The following IL31RA variants were observed in gnomAD, a reference collection of about 807,000 sequenced individuals.
The protein encoded by IL31RA is interleukin 31 receptor A.
In IL31RA, 66 loss-of-function variants were observed where a neutral mutation model predicts 83.7. The ratio of observed to expected loss-of-function variants is 0.79; its 90% CI spans 0.65 to 0.97. IL31RA has a LOEUF of 0.97. IL31RA is among the 50% of genes least tolerant of loss of function. IL31RA has a pLI of 0.00. For missense variants in IL31RA, 798 were observed against 919.4 expected, an observed-to-expected ratio of 0.87 and a Z score of 1.71; for synonymous variants, 325 against 329.0, an observed-to-expected ratio of 0.99 and a Z score of 0.13.
In IL31RA at chr5:55,920,150, G is replaced by T. The variant is rs749936510; in HGVS notation, c.*3030G>T. ...AGCGGTGTGAAAACACCACGCAAGG[G>T]TCTGGAGGAGGCAGGAGATGGGGAG... On this transcript the variant is annotated 3_prime_UTR_variant, in exon 15 of 15. Coordinates refer to ENST00000652347, the MANE Select transcript of IL31RA (RefSeq NM_139017.7). Among the ~76,000 whole-genome samples the T allele has an allele frequency of 3.3e-5, 5 of 152,202 alleles. No homozygotes were observed. Among genetic ancestry groups the T allele is most frequent in the African/African-American group, 4.8e-5 (2 of 41,452 alleles).
At chr5:55,897,635 T>G (rs1748493975) in intron 7 of IL31RA, among the ~76,000 whole-genome samples, 2 of 148,982 alleles carry the variant, frequency 1.3e-5, no homozygotes, top group African/African-American at 2.5e-5. Flanking sequence ...GGCCTGGGAG[T>G]GAGGAACAGG....
At chr5:55,876,086 G>A (rs1227581174) in intron 4 of IL31RA, among the ~76,000 whole-genome samples, 1 of 152,132 alleles carries the variant, frequency 6.6e-6, no homozygotes, top group Non-Finnish European at 1.5e-5. Context: ...CAAGTGGATA[G>A]AACTATGACA....
In IL31RA at chr5:55,922,310, C is replaced by A; in HGVS notation, c.*5190C>A. On this transcript the variant is annotated 3_prime_UTR_variant, in exon 15 of 15. Coordinates refer to ENST00000652347, the MANE Select transcript of IL31RA (RefSeq NM_139017.7). Reference sequence around the variant, plus strand: ...AAGGGGCAGGGGAGGGGCAGAACTCCACAAGAGGGCAAAACCTGCTGTCAG... The same window carrying A: ...AAGGGGCAGGGGAGGGGCAGAACTCAACAAGAGGGCAAAACCTGCTGTCAG... 1 of 1,202,980 alleles carries A rather than the reference C, an allele frequency of 8.3e-7. No individual in the cohort carries two copies. The highest frequency in any genetic ancestry group is 1.2e-6 in the Non-Finnish European group (1 of 829,608). 74.5% of individuals were successfully genotyped at this position (1,202,980 alleles called of 1,614,324 possible).
At chr5:55,866,177 A>G (rs944455762) in intron 2 of IL31RA, among the ~76,000 whole-genome samples, 4 of 152,130 alleles carry the variant, frequency 2.6e-5, no homozygotes, top group South Asian at 4.1e-4. Flanking sequence ...CCTGTGTGCT[A>G]CATTCACCTG....
At position 55,867,099 on chromosome 5, in the gene IL31RA, TTGTGTGTG is replaced by T. The variant is rs1235642887; in HGVS notation, c.155-1687_155-1680del. Among the ~76,000 whole-genome samples, 3 of 28,366 alleles carry T rather than the reference TTGTGTGTG, an allele frequency of 1.1e-4. 1 individual carries two copies. The highest frequency in any genetic ancestry group is 3.9e-4 in the Non-Finnish European group (3 of 7,634). The allele number at this position is 28,366 out of a possible 152,430, so 18.6% of individuals were successfully genotyped here. On this transcript the variant is annotated intron_variant, in intron 2 of 14. Transcript: ENST00000652347. The stretch of plus-strand genomic sequence containing the variant: ...TGCATGTGTGTTTGTGTGTGTGTGT[TTGTGTGTG>T]TGTGCATGTGTGTGTTTGTGTGTGT...
chr5:55,884,792 G>A (rs548741933), intron 5 of IL31RA, among the ~76,000 whole-genome samples: 2 of 152,256 alleles, frequency 1.3e-5, no homozygotes, highest in African/African-American at 4.8e-5. Flanking sequence ...AGACTTGCCA[G>A]TAAAACATAC....
chr5:55,914,034 A>G (rs1296786199), intron 13 of IL31RA, among the ~76,000 whole-genome samples: 2 of 152,170 alleles, frequency 1.3e-5, no homozygotes, highest in East Asian at 3.8e-4. Flanking sequence ...CTTGTGGTGC[A>G]GTGTTGAGGG....
chr5:55,886,268 C>CTTGCTT (rs1235138364), intron 5 of IL31RA, among the ~76,000 whole-genome samples: 1 of 71,502 alleles, frequency 1.4e-5, no homozygotes, highest in African/African-American at 7.3e-5. Context: ...TGCTTGCTTG[C>CTTGCTT]TTTTTTTTTT....
chr5:55,914,573 C>T (rs1749678107), intron 13 of IL31RA, among the ~76,000 whole-genome samples: 1 of 152,112 alleles, frequency 6.6e-6, no homozygotes, highest in African/African-American at 2.4e-5. Flanking sequence ...GCATTGGGAC[C>T]AGGTATGGAG....
At chr5:55,896,324 G>C (rs539578464) in intron 6 of IL31RA, 26 bp from the exon 7 acceptor site, 3 of 1,528,854 alleles carry the variant, frequency 2.0e-6, no homozygotes, top group Non-Finnish European at 2.7e-6. Flanking sequence ...TCTCTGGGTT[G>C]AGTACCTCAT....
intron 4 of IL31RA, among the ~76,000 whole-genome samples, chr5:55,881,438 C>A (rs1280715331): frequency 1.3e-5 from 2 of 152,166 alleles, no homozygotes; most frequent in Admixed American, 6.5e-5. Context: ...TGACCTTGGA[C>A]TTTTCTGCGC....
Position 55,917,369 on chromosome 5 carries a change from A to G in IL31RA, c.*249A>G. On this transcript the variant is annotated 3_prime_UTR_variant, in exon 15 of 15. Coordinates refer to ENST00000652347, the MANE Select transcript of IL31RA (RefSeq NM_139017.7). ...TCTCTTTTCGTTTGTTCAGATACCAAGCTCTCACCGAGGCCTCCTGACAGA... is the reference window on the plus strand; with the variant it reads ...TCTCTTTTCGTTTGTTCAGATACCAGGCTCTCACCGAGGCCTCCTGACAGA... 1 of 1,334,120 alleles carries G rather than the reference A, an allele frequency of 7.5e-7. No individual in the cohort carries two copies. The highest frequency in any genetic ancestry group is 9.7e-7 in the Non-Finnish European group (1 of 1,032,544). The allele number at this position is 1,334,120 out of a possible 1,614,324, so 82.6% of individuals were successfully genotyped here.
intron 4 of IL31RA, among the ~76,000 whole-genome samples, chr5:55,875,449 C>G (rs1030578499): frequency 1.3e-5 from 2 of 152,032 alleles, no homozygotes; most frequent in Non-Finnish European, 2.9e-5. Context: ...TATTTTTAAA[C>G]CTGTCAATAG....
At chr5:55,908,521 C>T (rs762296889) in intron 11 of IL31RA, 110 bp downstream of exon 11, 13 of 1,605,594 alleles carry the variant, frequency 8.1e-6, no homozygotes, top group Non-Finnish European at 6.0e-6. Context: ...TGCAACCTGG[C>T]ATGAATCACT....
Position 55,851,602 on chromosome 5 carries a change from C to A in IL31RA, c.32C>A (p.Thr11Lys). The change falls in exon 1 of 15, where the codon ACG becomes AAG. Residue 11 changes from threonine to lysine, a missense_variant. By Grantham distance (78) the Thr-to-Lys change is moderately conservative. Coordinates refer to ENST00000652347, the MANE Select transcript of IL31RA (RefSeq NM_139017.7). Reference sequence around the variant, plus strand: ...ATCAGGCAACTCAAGTTTTTCACCACGGCATGTGTCTGTGAATGTCCGCAA... The same window carrying A: ...ATCAGGCAACTCAAGTTTTTCACCAAGGCATGTGTCTGTGAATGTCCGCAA... The part of the protein sequence containing the change: MCIRQLKFFT[T>K]ACVCECPQNI... 1 of 1,613,926 alleles carries A rather than the reference C, an allele frequency of 6.2e-7. No homozygotes were observed. The highest frequency in any genetic ancestry group is 8.5e-7 in the Non-Finnish European group (1 of 1,179,878).
chr5:55,857,616 A>G (rs1745436934), intron 1 of IL31RA, among the ~76,000 whole-genome samples: 1 of 152,200 alleles, frequency 6.6e-6, no homozygotes, highest in African/African-American at 2.4e-5. Flanking sequence ...ATATGAGACT[A>G]CTATCCAGGC....
chr5:55,890,210 G>T, intron 6 of IL31RA, 75 bp downstream of exon 6: 1 of 1,434,380 alleles, frequency 7.0e-7, no homozygotes. Flanking sequence ...GGTGGGGTTT[G>T]TCACCACCTG....
rs142089239 is a variant in IL31RA, at chr5:55,851,632, T to C, written c.62T>C (p.Ile21Thr). The C allele has an allele frequency of 3.2e-4, 514 of 1,613,790 alleles. No individual in the cohort carries two copies. In the African/African-American group the frequency reaches 4.5e-3, roughly 14 times the overall value. Residue 21 changes from isoleucine (I) to threonine (T), a missense_variant and splice_region_variant, in exon 1 of 15, where the codon ATT becomes ACT. By Grantham distance (89) the Ile-to-Thr change is moderately conservative. Transcript: ENST00000652347. ...TACVCECPQN[I>T]LSPQPSCVNL... ...TGTGTCTGTGAATGTCCGCAAAACA[T>C]TGTGAGTATTGATTTGGGGGGTTAC...
intron 4 of IL31RA, among the ~76,000 whole-genome samples, chr5:55,874,166 C>T (rs1746696849): frequency 6.6e-6 from 1 of 152,046 alleles, no homozygotes; most frequent in Non-Finnish European, 1.5e-5. Flanking sequence ...ATGGCCCCAT[C>T]CCACGTTGTT....
Sources: allele counts gnomAD v4.1 joint callset (sites outside exome capture counted in the v4.1 genomes callset), GRCh38; gene constraint gnomAD v4.1.1; transcripts MANE v1.5; gene names NCBI Gene and HGNC (gene_info 2026-07-23, HGNC 2026-07-21).